CPN2: variants seen among roughly 807,000 people sequenced by gnomAD.
CPN2 encodes carboxypeptidase N 83 kDa chain.
For synonymous variants in CPN2, 336 were observed against 318.4 expected (o/e 1.06, Z -0.59); for missense variants, 620 against 671.4 (o/e 0.92, Z 0.85).
chr3:194,341,521 AC>A lies in CPN2; in HGVS notation c.1181del (p.Gly394ValfsTer25). 1 of 1,614,136 alleles carries A rather than the reference AC, an allele frequency of 6.2e-7. No homozygotes were observed. Among genetic ancestry groups the A allele is most frequent in the East Asian group, 2.2e-5 (1 of 44,870 alleles). On this transcript the variant is annotated frameshift_variant, in exon 2 of 2. Coordinates refer to ENST00000323830, the MANE Select transcript of CPN2 (RefSeq NM_001080513.4). LOFTEE classifies it low-confidence loss of function (END_TRUNC). ...NYNLFNLALH[G>X]NPWQCDCHLA... ...GGTGGCAGTCGCACTGCCAGGGGTT[AC>A]CGTGCAGGGCCAGGTTGAACAGGTT...
In CPN2 at chr3:194,342,723, G is replaced by C. The variant is rs1712905846; in HGVS notation, c.-3-18C>G. The C allele has an allele frequency of 9.4e-7, 1 of 1,059,676 alleles. No individual in the cohort carries two copies. 65.6% of individuals were successfully genotyped at this position (1,059,676 alleles called of 1,614,324 possible). On this transcript the variant is annotated intron_variant, in intron 1 of 1. Coordinates refer to ENST00000323830, the MANE Select transcript of CPN2 (RefSeq NM_001080513.4). The stretch of plus-strand genomic sequence containing the variant: ...AGCATCTTCTAGATTCGAGGAGGGA[G>C]AGAGAACAGGAAGAGAAACTTGATC...
At position 194,340,997 on chromosome 3, in the gene CPN2, C is replaced by T; in HGVS notation, c.*68G>A. Reference sequence around the variant, plus strand: ...CCAAGGCTTCGGAGACTCAGCTCCCCTCCGCCCCTACCTGTCGCCTGGTCA... The same window carrying T: ...CCAAGGCTTCGGAGACTCAGCTCCCTTCCGCCCCTACCTGTCGCCTGGTCA... On this transcript the variant is annotated 3_prime_UTR_variant, in exon 2 of 2. Transcript: ENST00000323830. 1 of 1,490,028 alleles carries T rather than the reference C, an allele frequency of 6.7e-7. No homozygotes were observed. Among genetic ancestry groups the T allele is most frequent in the Non-Finnish European group, 8.9e-7 (1 of 1,121,272 alleles). The allele number at this position is 1,490,028 out of a possible 1,614,324, so 92.3% of individuals were successfully genotyped here. A position where few individuals can be genotyped will look rare whatever the true frequency, so the allele number is the denominator to read the frequency against.
chr3:194,340,814 T>G lies in CPN2; in HGVS notation c.*251A>C. 2 of 491,300 alleles carry G rather than the reference T, an allele frequency of 4.1e-6. No homozygotes were observed. Among genetic ancestry groups the G allele is most frequent in the Non-Finnish European group, 3.5e-6 (1 of 283,612 alleles). The allele number at this position is 491,300 out of a possible 1,614,324, so 30.4% of individuals were successfully genotyped here. On this transcript the variant is annotated 3_prime_UTR_variant, in exon 2 of 2. Coordinates refer to ENST00000323830, the MANE Select transcript of CPN2 (RefSeq NM_001080513.4). ...TTATTCTCCAGGCTGTGGTGCAGCTTTTGAGGGTGCTTTGCAAGGCATAAG... is the reference window on the plus strand; with the variant it reads ...TTATTCTCCAGGCTGTGGTGCAGCTGTTGAGGGTGCTTTGCAAGGCATAAG...
chr3:194,341,652 C>A lies in CPN2; in HGVS notation c.1051G>T (p.Ala351Ser). 6.2e-7 allele frequency: 1 copy of A among 1,614,134 alleles called. No individual in the cohort carries two copies. The highest frequency in any genetic ancestry group is 8.5e-7 in the Non-Finnish European group (1 of 1,180,030). ...KLYLGSNNLT[A>S]LHPALFQNLS... ...TTCTGGAAGAGGGCTGGGTGCAGCG[C>A]CGTAAGGTTGTTGCTGCCCAGGTAG... Residue 351 changes from alanine to serine, a missense_variant, in exon 2 of 2, where the codon GCG becomes TCG. Coordinates refer to ENST00000323830, the MANE Select transcript of CPN2 (RefSeq NM_001080513.4).
chr3:194,342,006 G>C lies in CPN2; in HGVS notation c.697C>G (p.Pro233Ala). 6.2e-7 allele frequency: 1 copy of C among 1,614,196 alleles called. No individual in the cohort carries two copies. The highest frequency in any genetic ancestry group is 2.2e-5 in the East Asian group (1 of 44,886). ...AAGAGCTGGGAGAACACCTGAGGGG[G>C]CAGCTCCGAGATGTTGTTGCTGTCC... ...FLDSNNISELPPQVFSQLFCL... is the reference protein window; with the variant it reads ...FLDSNNISELAPQVFSQLFCL... The change falls in exon 2 of 2, where the codon CCC becomes GCC. Residue 233 changes from proline to alanine, a missense_variant. Pro to Ala is a conservative substitution (Grantham distance 27). Transcript: ENST00000323830.
intron 1 of CPN2, among the ~76,000 whole-genome samples, chr3:194,344,462 C>A (rs1712978545): frequency 6.6e-6 from 1 of 152,174 alleles, no homozygotes; most frequent in African/African-American, 2.4e-5. Context: ...TTTGAAAGGC[C>A]AAGGCAGGTG....
chr3:194,347,445 C>A (rs1204123909), intron 1 of CPN2, among the ~76,000 whole-genome samples: 1 of 152,164 alleles, frequency 6.6e-6, no homozygotes, highest in Non-Finnish European at 1.5e-5. Context: ...CACCAACGGG[C>A]CTGGATTTGG....
At position 194,341,307 on chromosome 3, in the gene CPN2, C is replaced by G; in HGVS notation, c.1396G>C (p.Gly466Arg). The change falls in exon 2 of 2, where the codon GGC (glycine) becomes CGC (arginine). Residue 466 changes from glycine to arginine, a missense_variant. By Grantham distance (125) the Gly-to-Arg change is moderately radical (BLOSUM62 -2). Transcript: ENST00000323830. The stretch of plus-strand genomic sequence containing the variant: ...TCCTGCACAGCCAGATCCCAGCTGC[C>G]CCCTGCCTTGCTTTCGTCCGGCCAC... Reference protein sequence around the residue: ...VTWPDESKAGGSWDLAVQERA... With the variant: ...VTWPDESKAGRSWDLAVQERA... The G allele has an allele frequency of 6.2e-7, 1 of 1,613,704 alleles. No individual in the cohort carries two copies. Among genetic ancestry groups the G allele is most frequent in the Non-Finnish European group, 8.5e-7 (1 of 1,180,004 alleles).
At chr3:194,344,384 C>T (rs577375107) in intron 1 of CPN2, among the ~76,000 whole-genome samples, 1 of 152,304 alleles carries the variant, frequency 6.6e-6, no homozygotes, top group African/African-American at 2.4e-5. Flanking sequence ...CAGTAATAAC[C>T]GCTGGCCTGG....
At position 194,341,842 on chromosome 3, in the gene CPN2, G is replaced by A; in HGVS notation, c.861C>T (p.His287=). The part of the protein sequence containing the change: ...LRVLPAGLFA[H]TPCLVGLSLT... Reference sequence around the variant, plus strand: ...GAGACAGGCCAACCAGGCACGGGGTGTGGGCAAAGAGGCCGGCAGGCAGGA... The same window carrying A: ...GAGACAGGCCAACCAGGCACGGGGTATGGGCAAAGAGGCCGGCAGGCAGGA... Residue 287 remains histidine, a synonymous_variant, in exon 2 of 2, where the codon CAC becomes CAT. Coordinates refer to ENST00000323830, the MANE Select transcript of CPN2 (RefSeq NM_001080513.4). 1.2e-6 allele frequency: 2 copies of A among 1,614,204 alleles called. No homozygotes were observed. Among genetic ancestry groups the A allele is most frequent in the Non-Finnish European group, 1.7e-6 (2 of 1,180,032 alleles).
intron 1 of CPN2, among the ~76,000 whole-genome samples, chr3:194,350,665 A>G (rs1713233467): frequency 6.6e-6 from 1 of 152,136 alleles, no homozygotes; most frequent in African/African-American, 2.4e-5. Flanking sequence ...ATGAGCCAGC[A>G]CGCTTCTGGG....
chr3:194,342,150 G>A lies in CPN2; in HGVS notation c.553C>T (p.Pro185Ser). 6.2e-7 allele frequency: 1 copy of A among 1,614,104 alleles called. No homozygotes were observed. Among genetic ancestry groups the A allele is most frequent in the Non-Finnish European group, 8.5e-7 (1 of 1,179,988 alleles). ...NLAQNLLAQL[P>S]EELFHPLTSL... is the part of the protein sequence containing the mutation. ...GTGAGTGGGTGGAACAGCTCCTCCG[G>A]GAGCTGGGCCAGGAGGTTCTGGGCC... The change falls in exon 2 of 2, where the codon CCG becomes TCG. Residue 185 changes from proline (P) to serine (S), a missense_variant. Transcript: ENST00000323830.
In CPN2 at chr3:194,349,789, T is replaced by C. The variant is rs1713198550; in HGVS notation, c.-4+1453A>G. Among the ~76,000 whole-genome samples the C allele has an allele frequency of 1.4e-4, 3 of 21,216 alleles. No homozygotes were observed. The South Asian group carries it at 4.4e-3, about 31-fold the overall frequency. The allele number at this position is 21,216 out of a possible 152,430, so 13.9% of individuals were successfully genotyped here. On this transcript the variant is annotated intron_variant, in intron 1 of 1. Coordinates refer to ENST00000323830, the MANE Select transcript of CPN2 (RefSeq NM_001080513.4). ...CTGACTACCCTCTTCTTTTTTTTTT[T>C]TTTTTTTTTTTTTTTTTTTTTTTTT...
chr3:194,345,630 G>A (rs9790027), intron 1 of CPN2, among the ~76,000 whole-genome samples: 50,373 of 152,196 alleles, frequency 0.33, 9,553 homozygotes, highest in East Asian at 0.69. Flanking sequence ...GCTGGGGCCT[G>A]TGGGTCCCGA....
rs1712752232 is a variant in CPN2, at chr3:194,340,235, C to T, written c.*830G>A. 1 of 152,158 alleles carries T rather than the reference C, an allele frequency of 6.6e-6. No homozygotes were observed. The allele number at this position is 152,158 out of a possible 1,614,324, so 9.4% of individuals were successfully genotyped here. A position where few individuals can be genotyped will look rare whatever the true frequency, so the allele number is the denominator to read the frequency against. On this transcript the variant is annotated 3_prime_UTR_variant, in exon 2 of 2. Coordinates refer to ENST00000323830, the MANE Select transcript of CPN2 (RefSeq NM_001080513.4). ...TGGACTGGAAAGAAAGGAAGGAAAA[C>T]AAAGGGGAAAGGGGCTTCTTTATAG...
Position 194,341,217 on chromosome 3 carries a change from G to A in CPN2, c.1486C>T (p.Gln496Ter), listed in dbSNP as rs772384548. The change falls in exon 2 of 2, where the codon CAG becomes TAG. Residue 496 changes from glutamine to a stop codon, truncating the protein, a stop_gained. Coordinates refer to ENST00000323830, the MANE Select transcript of CPN2 (RefSeq NM_001080513.4). LOFTEE classifies it low-confidence loss of function (END_TRUNC). ...PEGTVVLACDQAQCRWLNVQL... is the reference protein window; with the variant it reads ...PEGTVVLACD Reference sequence around the variant, plus strand: ...ACGTTCAGCCAGCGACACTGGGCCTGGTCACAGGCGAGCACCACGGTGCCC... The same window carrying A: ...ACGTTCAGCCAGCGACACTGGGCCTAGTCACAGGCGAGCACCACGGTGCCC... The A allele has an allele frequency of 6.2e-7, 1 of 1,613,588 alleles. No homozygotes were observed. Among genetic ancestry groups the A allele is most frequent in the Non-Finnish European group, 8.5e-7 (1 of 1,180,028 alleles).
intron 1 of CPN2, among the ~76,000 whole-genome samples, chr3:194,343,252 G>A (rs1712932825): frequency 6.6e-6 from 1 of 152,086 alleles, no homozygotes. Context: ...CCCAGACCTG[G>A]GGATTCTACA....
Position 194,341,641 on chromosome 3 carries a change from TG to T in CPN2, c.1061del (p.Pro354GlnfsTer20). 1 of 1,614,186 alleles carries T rather than the reference TG, an allele frequency of 6.2e-7. No homozygotes were observed. ...LGSNNLTALH[P>X]ALFQNLSKLE... ...GCTTGGACAGGTTCTGGAAGAGGGC[TG>T]GGTGCAGCGCCGTAAGGTTGTTGCT... On this transcript the variant is annotated frameshift_variant, in exon 2 of 2. Transcript: ENST00000323830. LOFTEE classifies it low-confidence loss of function (END_TRUNC).
At chr3:194,343,670 A>G (rs1452488766) in intron 1 of CPN2, among the ~76,000 whole-genome samples, 3 of 152,232 alleles carry the variant, frequency 2.0e-5, no homozygotes, top group Admixed American at 6.5e-5. Context: ...CTTTCTAGCT[A>G]CGTGACCTTG....
Sources: gnomAD v4.1 joint callset for allele counts (sites outside exome capture counted in the v4.1 genomes callset) on GRCh38, gnomAD v4.1.1 for gene constraint, MANE v1.5 for transcripts, NCBI Gene and HGNC (gene_info 2026-07-23, HGNC 2026-07-21) for gene names.